The following MAP7 variants were observed in gnomAD, a reference collection of about 807,000 sequenced individuals.
MAP7 encodes microtubule associated protein 7, also known as ensconsin.
In MAP7, 52 loss-of-function variants were observed where a neutral mutation model predicts 94.8. That is an observed-to-expected ratio of 0.55 (90% CI 0.44 to 0.69). MAP7 has a LOEUF of 0.69. Among genes scored for constraint, MAP7 ranks in the 30% least tolerant of loss-of-function variants. The probability of loss-of-function intolerance (pLI) is 0.00; values close to 1 mark genes in which losing one functional copy is unlikely to be tolerated. For missense variants in MAP7, 940 were observed against 964.6 expected (o/e 0.97, Z 0.34); for synonymous variants, 350 against 357.0 (o/e 0.98, Z 0.22).
In MAP7 at chr6:136,365,727, G is replaced by C; in HGVS notation, c.1273+8C>G. Reference sequence around the variant, plus strand: ...GAGCACCCAGACCACAGGTGAGTTTGCTCTTACCAGGGCCAACTTCTGGTT... The same window carrying C: ...GAGCACCCAGACCACAGGTGAGTTTCCTCTTACCAGGGCCAACTTCTGGTT... On this transcript the variant is annotated splice_region_variant and intron_variant, in intron 10 of 17. Coordinates refer to ENST00000354570, the MANE Select transcript of MAP7 (RefSeq NM_003980.6). 2 of 1,612,596 alleles carry C rather than the reference G, an allele frequency of 1.2e-6. No homozygotes were observed. Among genetic ancestry groups the C allele is most frequent in the East Asian group, 2.2e-5 (1 of 44,860 alleles).
At chr6:136,424,955 T>C (rs1792695391) in intron 1 of MAP7, among the ~76,000 whole-genome samples, 1 of 152,234 alleles carries the variant, frequency 6.6e-6, no homozygotes. Flanking sequence ...CCCAGCTCTG[T>C]ATAGTCCCTT....
At chr6:136,512,325 C>T (rs1823526834) in intron 1 of MAP7, among the ~76,000 whole-genome samples, 2 of 152,234 alleles carry the variant, frequency 1.3e-5, no homozygotes, top group African/African-American at 2.4e-5. Flanking sequence ...AAATAATTTC[C>T]TTCAAGTTCT....
At chr6:136,394,451 G>A (rs942962804) in intron 3 of MAP7, among the ~76,000 whole-genome samples, 3 of 151,696 alleles carry the variant, frequency 2.0e-5, no homozygotes, top group African/African-American at 2.4e-5. Flanking sequence ...TTTTATTGAC[G>A]TAGAATAACT....
At chr6:136,515,763 A>C (rs900583818) in intron 1 of MAP7, among the ~76,000 whole-genome samples, 3 of 152,212 alleles carry the variant, frequency 2.0e-5, no homozygotes, top group African/African-American at 7.2e-5. Context: ...ATCACCCATC[A>C]CAGATTACCA....
chr6:136,360,901 G>T, intron 12 of MAP7, 103 bp from the exon 13 acceptor site: 2 of 1,547,652 alleles, frequency 1.3e-6, no homozygotes, highest in South Asian at 1.1e-5. Flanking sequence ...TGGAGAAGGT[G>T]TGGAAAGCGG....
At chr6:136,518,263 TCTATACTC>T (rs1825432623) in intron 1 of MAP7, among the ~76,000 whole-genome samples, 1 of 152,202 alleles carries the variant, frequency 6.6e-6, no homozygotes, top group Non-Finnish European at 1.5e-5. Flanking sequence ...TTTTTCTGGG[TCTATACTC>T]CTGAACTTCA....
intron 3 of MAP7, among the ~76,000 whole-genome samples, chr6:136,395,443 C>G (rs1393272746): frequency 7.7e-6 from 1 of 129,692 alleles, no homozygotes; most frequent in African/African-American, 3.0e-5. Flanking sequence ...CTATTGAGTT[C>G]CTTACATATT....
rs79071581 is a variant in MAP7, at chr6:136,470,342, T to C, written c.68-48543A>G. The stretch of plus-strand genomic sequence containing the variant: ...TCCTCCCCAGCTTTCTGAAGTATAA[T>C]TGGCAAATAAAAATTGTATATATTT... On this transcript the variant is annotated intron_variant, in intron 1 of 17. Coordinates refer to ENST00000354570, the MANE Select transcript of MAP7 (RefSeq NM_003980.6). Among the ~76,000 whole-genome samples the C allele has an allele frequency of 3.0e-3, 456 of 152,088 alleles. 3 individuals are homozygous for C. The highest frequency in any genetic ancestry group is 3.1e-3 in the Non-Finnish European group (209 of 67,994).
chr6:136,452,866 A>G (rs1801620646), intron 1 of MAP7, among the ~76,000 whole-genome samples: 2 of 152,210 alleles, frequency 1.3e-5, no homozygotes, highest in South Asian at 4.1e-4. Flanking sequence ...ATTTGTAATG[A>G]AAATATGTAT....
intron 3 of MAP7, among the ~76,000 whole-genome samples, chr6:136,406,161 G>A (rs1785532149): frequency 1.3e-5 from 2 of 152,128 alleles, no homozygotes; most frequent in African/African-American, 4.8e-5. Flanking sequence ...AGAGAAATCG[G>A]TAACCAGGAT....
chr6:136,443,956 T>C (rs1251637163), intron 1 of MAP7, among the ~76,000 whole-genome samples: 1 of 152,212 alleles, frequency 6.6e-6, no homozygotes, highest in Non-Finnish European at 1.5e-5. Flanking sequence ...TCGTTTGTAT[T>C]AATGCATCAT....
intron 1 of MAP7, among the ~76,000 whole-genome samples, chr6:136,450,399 T>C (rs1260089918): frequency 3.9e-5 from 6 of 151,996 alleles, no homozygotes; most frequent in Non-Finnish European, 7.4e-5. Context: ...ATTCCCAGCA[T>C]GGAATATTTC....
At chr6:136,439,533 C>T (rs190263822) in intron 1 of MAP7, among the ~76,000 whole-genome samples, 43 of 152,258 alleles carry the variant, frequency 2.8e-4, no homozygotes, top group African/African-American at 9.9e-4. Flanking sequence ...TGTATAAAAT[C>T]TCTAGGACGC....
intron 1 of MAP7, among the ~76,000 whole-genome samples, chr6:136,549,547 C>T (rs1829976613): frequency 1.3e-5 from 2 of 152,180 alleles, no homozygotes; most frequent in African/African-American, 4.8e-5. Flanking sequence ...GACGTGATCC[C>T]CTGTCCCTAA....
intron 1 of MAP7, among the ~76,000 whole-genome samples, chr6:136,424,143 C>G (rs1792392344): frequency 4.0e-5 from 6 of 151,782 alleles, no homozygotes; most frequent in Admixed American, 3.9e-4. Flanking sequence ...GATTTCACTA[C>G]TTAAGAACAC....
rs189554574 is a variant in MAP7 at position 136,426,254 on chromosome 6, T to C, written c.68-4455A>G. 5.3e-4 allele frequency among the ~76,000 whole-genome samples: 80 copies of C among 152,294 alleles called. 1 individual carries two copies. The highest frequency in any genetic ancestry group is 6.5e-4 in the Admixed American group (10 of 15,304). ...CCTAATGTCAGTCTCTTTGTCACAA[T>C]CAACAGAACCACCAGCCTCAGAAAT... On this transcript the variant is annotated intron_variant, in intron 1 of 17. Transcript: ENST00000354570.
At chr6:136,518,103 G>A (rs1183087829) in intron 1 of MAP7, among the ~76,000 whole-genome samples, 1 of 152,116 alleles carries the variant, frequency 6.6e-6, no homozygotes, top group Non-Finnish European at 1.5e-5. Flanking sequence ...CCTCCATACT[G>A]TTGTTCCAAT....
chr6:136,377,383 TC>T (rs1776480126), intron 7 of MAP7, among the ~76,000 whole-genome samples: 1 of 152,226 alleles, frequency 6.6e-6, no homozygotes, highest in Non-Finnish European at 1.5e-5. Flanking sequence ...TTGATTTTAT[TC>T]CCAAGTCCAT....
intron 5 of MAP7, among the ~76,000 whole-genome samples, chr6:136,384,098 A>C (rs377399204): frequency 3.9e-5 from 6 of 152,328 alleles, no homozygotes; most frequent in Admixed American, 2.0e-4. Flanking sequence ...TATGAAGCAA[A>C]AGAGGACCAT....
Sources: allele counts gnomAD v4.1 joint callset (sites outside exome capture counted in the v4.1 genomes callset), GRCh38; gene constraint gnomAD v4.1.1; transcripts MANE v1.5; gene names NCBI Gene and HGNC (gene_info 2026-07-23, HGNC 2026-07-21).